Variants in ADAM20 observed in about 807,000 individuals in gnomAD.
ADAM20 encodes ADAM metallopeptidase domain 20, also known as disintegrin and metalloproteinase domain-containing protein 20.
For missense variants in ADAM20, 871 were observed against 883.2 expected (o/e 0.99, Z 0.18); for synonymous variants, 305 against 310.2 (o/e 0.98, Z 0.18).
At chr14:70,574,296 G>GT in the ADAM20 span, among the ~76,000 whole-genome samples, 40 of 152,266 alleles carry the variant, frequency 2.6e-4, no homozygotes, top group African/African-American at 9.1e-4. Flanking sequence ...ACCAAAATTT[G>GT]TAACAGGCAG....
upstream of ADAM20, among the ~76,000 whole-genome samples, chr14:70,538,985 TATAAA>T (rs1378832555): frequency 2.0e-5 from 3 of 152,156 alleles, no homozygotes; most frequent in African/African-American, 4.8e-5. Context: ...AAACTATTGC[TATAAA>T]ATAAAAGATG....
chr14:70,523,817 T>C lies in ADAM20; in HGVS notation c.941A>G (p.Lys314Arg). Reference sequence around the variant, plus strand: ...ATTAAAAGGATTCTGGCATATTCCTTTAACATAGGCAACACCAAGCTTCAT... The same window carrying C: ...ATTAAAAGGATTCTGGCATATTCCTCTAACATAGGCAACACCAAGCTTCAT... ...QGMKLGVAYVKGICQNPFNTG... is the reference protein window; with the variant it reads ...QGMKLGVAYVRGICQNPFNTG... Residue 314 changes from lysine (K) to arginine (R), a missense_variant, in exon 2 of 2, where the codon AAA (lysine) becomes AGA (arginine). Transcript: ENST00000256389. 6.2e-7 allele frequency: 1 copy of C among 1,614,066 alleles called. No individual in the cohort carries two copies. The highest frequency in any genetic ancestry group is 8.5e-7 in the Non-Finnish European group (1 of 1,179,986).
At chr14:70,575,833 T>A in the ADAM20 span, among the ~76,000 whole-genome samples, 1 of 152,108 alleles carries the variant, frequency 6.6e-6, no homozygotes, top group Admixed American at 6.5e-5. Context: ...GAAAGGCTTC[T>A]CAGAAAAGGT....
At chr14:70,535,038 A>G (rs1307993654), upstream of ADAM20, 2 of 152,242 alleles carry the variant, frequency 1.3e-5, no homozygotes, top group African/African-American at 4.8e-5. Flanking sequence ...ATGGCATGTA[A>G]TGACATCACA....
At chr14:70,539,173 C>T (rs2139548411), upstream of ADAM20, among the ~76,000 whole-genome samples, 1 of 144,338 alleles carries the variant, frequency 6.9e-6, no homozygotes, top group Admixed American at 7.2e-5. Flanking sequence ...GTAGGGAGAC[C>T]CCCTGAAACT....
At chr14:70,571,603 C>T in the ADAM20 span, among the ~76,000 whole-genome samples, 1 of 152,134 alleles carries the variant, frequency 6.6e-6, no homozygotes, top group Non-Finnish European at 1.5e-5. Flanking sequence ...TCTCCCCATG[C>T]CTATACAACA....
chr14:70,564,494 A>G, the ADAM20 span, among the ~76,000 whole-genome samples: 1 of 152,218 alleles, frequency 6.6e-6, no homozygotes, highest in Non-Finnish European at 1.5e-5. Context: ...ATACAATCAT[A>G]TAAGAAACAT....
At chr14:70,578,278 C>G in the ADAM20 span, among the ~76,000 whole-genome samples, 1 of 152,206 alleles carries the variant, frequency 6.6e-6, no homozygotes, top group Non-Finnish European at 1.5e-5. Context: ...GCAGGAAAAA[C>G]TGACTAGGTA....
chr14:70,578,839 C>G, the ADAM20 span, among the ~76,000 whole-genome samples: 1 of 152,062 alleles, frequency 6.6e-6, no homozygotes. Flanking sequence ...GCTTGCCCCC[C>G]TCCCTCCCCA....
chr14:70,578,744 G>A, the ADAM20 span, among the ~76,000 whole-genome samples: 1 of 152,046 alleles, frequency 6.6e-6, no homozygotes, highest in Admixed American at 6.6e-5. Context: ...TTTGATACAA[G>A]GGTATATTGT....
intron 1 of ADAM20, among the ~76,000 whole-genome samples, chr14:70,533,585 C>G (rs1310750696): frequency 6.6e-6 from 1 of 152,006 alleles, no homozygotes; most frequent in Non-Finnish European, 1.5e-5. Context: ...GAACATCACA[C>G]ACCAATGCTT....
chr14:70,560,724 C>A, the ADAM20 span, among the ~76,000 whole-genome samples: 3 of 151,932 alleles, frequency 2.0e-5, no homozygotes, highest in African/African-American at 7.3e-5. Context: ...CCCCTTCACT[C>A]TCTCTCTCTT....
chr14:70,567,545 TG>T, the ADAM20 span, among the ~76,000 whole-genome samples: 25 of 152,182 alleles, frequency 1.6e-4, no homozygotes, highest in Non-Finnish European at 2.9e-4. Flanking sequence ...TTCTTCCCAC[TG>T]GGGGCTGGGG....
At position 70,524,360 on chromosome 14, in the gene ADAM20, A is replaced by G; in HGVS notation, c.398T>C (p.Leu133Pro). ...AAGGTCATTTATCTGTAGCATTCCA[A>G]GAAAGCCCCCAGAACAGGTACTAAG... ...VALSTCSGGFLGMLQINDLVY... is the reference protein window; with the variant it reads ...VALSTCSGGFPGMLQINDLVY... Residue 133 changes from leucine to proline, a missense_variant, in exon 2 of 2, where the codon CTT (leucine) becomes CCT (proline). Transcript: ENST00000256389. 6.2e-7 allele frequency: 1 copy of G among 1,614,028 alleles called. No individual in the cohort carries two copies. Among genetic ancestry groups the G allele is most frequent in the African/African-American group, 1.3e-5 (1 of 75,032 alleles).
At chr14:70,562,363 T>C in the ADAM20 span, among the ~76,000 whole-genome samples, 1 of 152,364 alleles carries the variant, frequency 6.6e-6, no homozygotes, top group East Asian at 1.9e-4. Flanking sequence ...TTTCTAATTT[T>C]ACAGGCTCAT....
intron 1 of ADAM20, among the ~76,000 whole-genome samples, chr14:70,526,087 A>T (rs1339088646): frequency 1.3e-5 from 2 of 152,218 alleles, no homozygotes; most frequent in Non-Finnish European, 2.9e-5. Flanking sequence ...GAAGACCACA[A>T]TTTGAGTAGA....
the ADAM20 span, among the ~76,000 whole-genome samples, chr14:70,553,751 TAAA>T: frequency 2.1e-5 from 3 of 142,632 alleles, no homozygotes; most frequent in Non-Finnish European, 3.1e-5. Context: ...CCCTTCATGA[TAAA>T]AAAAAAAAAC....
At chr14:70,567,021 C>T in the ADAM20 span, among the ~76,000 whole-genome samples, 2 of 152,046 alleles carry the variant, frequency 1.3e-5, no homozygotes, top group Non-Finnish European at 2.9e-5. Flanking sequence ...TCCCTTCACC[C>T]CTCTGACAAT....
upstream of ADAM20, among the ~76,000 whole-genome samples, chr14:70,538,756 A>G (rs1386080875): frequency 6.6e-6 from 1 of 152,172 alleles, no homozygotes; most frequent in East Asian, 1.9e-4. Flanking sequence ...TCTTCCAGCT[A>G]TACTTGTTTA....
Sources: gnomAD v4.1 joint callset for allele counts (sites outside exome capture counted in the v4.1 genomes callset) on GRCh38, gnomAD v4.1.1 for gene constraint, MANE v1.5 for transcripts, NCBI Gene and HGNC (gene_info 2026-07-23, HGNC 2026-07-21) for gene names.